PLCL1: variants seen among roughly 807,000 people sequenced by gnomAD.
PLCL1 encodes the protein phospholipase C like 1 (inactive), also known as inactive phospholipase C-like protein 1.
In PLCL1, 41 loss-of-function variants were observed where a neutral mutation model predicts 84.4. The observed-to-expected ratio is 0.49, with a 90% CI of 0.38 to 0.63. PLCL1 has a LOEUF of 0.63. PLCL1 is among the 30% of genes least tolerant of loss of function. The pLI is 0.00. For missense variants in PLCL1, 1,206 were observed against 1,367.8 expected, an observed-to-expected ratio of 0.88 and a Z score of 1.87; for synonymous variants, 490 against 488.3, an observed-to-expected ratio of 1.00 and a Z score of -0.05.
intron 1 of PLCL1, among the ~76,000 whole-genome samples, chr2:198,016,613 G>A (rs917990454): frequency 6.6e-6 from 1 of 152,134 alleles, no homozygotes; most frequent in Admixed American, 6.5e-5. Flanking sequence ...TAAAATGGGG[G>A]TAATAAAACT....
intron 1 of PLCL1, among the ~76,000 whole-genome samples, chr2:198,035,748 G>T (rs978593560): frequency 2.6e-5 from 4 of 152,194 alleles, no homozygotes; most frequent in Non-Finnish European, 2.9e-5. Context: ...AAATGTGTGT[G>T]GTATGGCTGG....
intron 1 of PLCL1, among the ~76,000 whole-genome samples, chr2:197,855,428 G>A (rs1045260491): frequency 5.9e-5 from 9 of 152,038 alleles, no homozygotes; most frequent in Admixed American, 1.3e-4. Context: ...ATCTTTGGTT[G>A]GTTTTGCTAT....
Position 197,996,555 on chromosome 2 carries a change from G to A in PLCL1, c.241-87203G>A, listed in dbSNP as rs1574233569. ...TGCAGTGTGGGGAGAGGTGAATATT[G>A]TAGGAGCACTGTATTTTCTGTAAAC... On this transcript the variant is annotated intron_variant, in intron 1 of 5. Coordinates refer to ENST00000428675, the MANE Select transcript of PLCL1 (RefSeq NM_006226.4). Among the ~76,000 whole-genome samples, 4 of 151,962 alleles carry A rather than the reference G, an allele frequency of 2.6e-5. No homozygotes were observed. In the East Asian group the frequency reaches 7.7e-4, roughly 29 times the overall value.
At chr2:197,958,604 A>T (rs1227506172) in intron 1 of PLCL1, among the ~76,000 whole-genome samples, 1 of 152,126 alleles carries the variant, frequency 6.6e-6, no homozygotes, top group Non-Finnish European at 1.5e-5. Flanking sequence ...ACACTTCAAG[A>T]TGTGACACTC....
chr2:197,978,193 C>A (rs1187151709), intron 1 of PLCL1, among the ~76,000 whole-genome samples: 1 of 152,148 alleles, frequency 6.6e-6, no homozygotes, highest in East Asian at 1.9e-4. Flanking sequence ...AAGTTAAGTT[C>A]AGGCCGGGTG....
intron 1 of PLCL1, among the ~76,000 whole-genome samples, chr2:197,899,691 A>G (rs887508364): frequency 8.5e-5 from 12 of 141,102 alleles, no homozygotes; most frequent in African/African-American, 3.3e-4. Flanking sequence ...GCTGGAGTGC[A>G]GTGGCGCGAT....
At chr2:198,066,972 T>C (rs1692335836) in intron 1 of PLCL1, among the ~76,000 whole-genome samples, 1 of 152,178 alleles carries the variant, frequency 6.6e-6, no homozygotes, top group South Asian at 2.1e-4. Flanking sequence ...TCCTTTAATA[T>C]ATCTTTCTCC....
At position 197,990,488 on chromosome 2, in the gene PLCL1, A is replaced by AT. The variant is rs545333202; in HGVS notation, c.241-93269dup. On this transcript the variant is annotated intron_variant, in intron 1 of 5. Coordinates refer to ENST00000428675, the MANE Select transcript of PLCL1 (RefSeq NM_006226.4). The stretch of plus-strand genomic sequence containing the variant: ...AAGAAATACCTAAGTGTGGTTCCAC[A>AT]TGGCTGGGGAGGCCTCACAATCATG... Among the ~76,000 whole-genome samples, 589 of 152,292 alleles carry AT rather than the reference A, an allele frequency of 3.9e-3. 6 individuals carry two copies. Among genetic ancestry groups the AT allele is most frequent in the African/African-American group, 0.012 (516 of 41,566 alleles).
intron 1 of PLCL1, among the ~76,000 whole-genome samples, chr2:197,956,003 A>G (rs1329860550): frequency 6.7e-6 from 1 of 148,270 alleles, no homozygotes; most frequent in African/African-American, 2.5e-5. Flanking sequence ...CCGGTGTGTG[A>G]TGTTCCCCTC....
chr2:197,850,031 G>GACACAC (rs5837563), intron 1 of PLCL1, among the ~76,000 whole-genome samples: 1,481 of 134,928 alleles, frequency 0.011, 32 homozygotes, highest in African/African-American at 0.021. Flanking sequence ...GACACACACA[G>GACACAC]ACACACACAC....
At chr2:197,960,212 T>C (rs1371727452) in intron 1 of PLCL1, among the ~76,000 whole-genome samples, 1 of 152,090 alleles carries the variant, frequency 6.6e-6, no homozygotes, top group Non-Finnish European at 1.5e-5. Flanking sequence ...TGAGCTGCCT[T>C]CTTCAGAGTC....
At chr2:197,997,803 C>G (rs922217165) in intron 1 of PLCL1, among the ~76,000 whole-genome samples, 3 of 152,122 alleles carry the variant, frequency 2.0e-5, no homozygotes, top group African/African-American at 7.2e-5. Flanking sequence ...CCTTGTGGCC[C>G]ATGTGGTGAC....
intron 1 of PLCL1, among the ~76,000 whole-genome samples, chr2:198,082,669 G>A (rs1692749280): frequency 1.3e-5 from 2 of 152,060 alleles, no homozygotes; most frequent in South Asian, 2.1e-4. Flanking sequence ...AGTGTAAGTG[G>A]CATCAGTCAG....
chr2:197,804,931 C>T lies in PLCL1; in HGVS notation c.-169C>T, dbSNP rs1690432784. The T allele has an allele frequency of 1.5e-6, 1 of 670,006 alleles. No homozygotes were observed. The highest frequency in any genetic ancestry group is 2.3e-6 in the Non-Finnish European group (1 of 426,994). 41.5% of individuals were successfully genotyped at this position (670,006 alleles called of 1,614,324 possible). Reference sequence around the variant, plus strand: ...CGTCTCTGCCCGAGCGATGTCCCCTCTCCAGAAAGTTGCCGCCGCCGCCGC... The same window carrying T: ...CGTCTCTGCCCGAGCGATGTCCCCTTTCCAGAAAGTTGCCGCCGCCGCCGC... On this transcript the variant is annotated 5_prime_UTR_variant, in exon 1 of 6. Coordinates refer to ENST00000428675, the MANE Select transcript of PLCL1 (RefSeq NM_006226.4).
intron 5 of PLCL1, among the ~76,000 whole-genome samples, chr2:198,109,184 T>C (rs1693558996): frequency 6.6e-6 from 1 of 151,880 alleles, no homozygotes; most frequent in African/African-American, 2.4e-5. Flanking sequence ...GTGGATTTAG[T>C]GTCTGGTGAG....
chr2:198,042,626 C>T (rs968862504), intron 1 of PLCL1, among the ~76,000 whole-genome samples: 2 of 152,176 alleles, frequency 1.3e-5, no homozygotes, highest in Non-Finnish European at 2.9e-5. Context: ...GCCTGCATTA[C>T]AGCTTTGGGG....
At chr2:197,906,500 C>G (rs1461679507) in intron 1 of PLCL1, among the ~76,000 whole-genome samples, 1 of 152,136 alleles carries the variant, frequency 6.6e-6, no homozygotes, top group Non-Finnish European at 1.5e-5. Context: ...TAGCATGATG[C>G]CTCCAGCTTT....
At chr2:197,812,234 T>A (rs1388819763) in intron 1 of PLCL1, among the ~76,000 whole-genome samples, 1 of 152,212 alleles carries the variant, frequency 6.6e-6, no homozygotes, top group Non-Finnish European at 1.5e-5. Flanking sequence ...TGATTCCATG[T>A]TTTTGCTATT....
intron 1 of PLCL1, among the ~76,000 whole-genome samples, chr2:198,077,461 C>CT (rs1336135070): frequency 6.6e-6 from 1 of 152,072 alleles, no homozygotes; most frequent in African/African-American, 2.4e-5. Flanking sequence ...ACACGCTTTC[C>CT]TTTTAGTCTT....
Sources: allele counts gnomAD v4.1 joint callset (sites outside exome capture counted in the v4.1 genomes callset), GRCh38; gene constraint gnomAD v4.1.1; transcripts MANE v1.5; gene names NCBI Gene and HGNC (gene_info 2026-07-23, HGNC 2026-07-21).